Variants in ZBED6 observed in about 807,000 individuals in gnomAD.
The protein encoded by ZBED6 is zinc finger BED-type containing 6.
A neutral mutation model predicts 58.4 loss-of-function variants in ZBED6; 40 were observed. That is an observed-to-expected ratio of 0.68 (90% CI 0.53 to 0.89). ZBED6 has a LOEUF of 0.89. Ranked by LOEUF, ZBED6 falls within the 40% of genes least tolerant of loss-of-function variation. The pLI is 0.00. For missense variants in ZBED6, 1,057 were observed against 1,003.9 expected (o/e 1.05, Z -0.71); for synonymous variants, 439 against 350.6 (o/e 1.25, Z -2.82).
intron 11 of ZBED6, among the ~76,000 whole-genome samples, chr1:203,841,580 G>A (rs898634816): frequency 6.6e-6 from 1 of 152,188 alleles, no homozygotes; most frequent in African/African-American, 2.4e-5. Flanking sequence ...GTAACAATCT[G>A]ATCTCTCTTT....
chr1:203,817,753 T>G (rs1283551062), intron 2 of ZBED6, among the ~76,000 whole-genome samples: 1 of 152,024 alleles, frequency 6.6e-6, no homozygotes, highest in Non-Finnish European at 1.5e-5. Context: ...CTTGATTTTT[T>G]TTTTATTTTT....
At position 203,829,444 on chromosome 1, in the gene ZBED6, C is replaced by T. The variant is rs763352772; in HGVS notation, c.*2998-7C>T. 50 of 1,613,560 alleles carry T rather than the reference C, an allele frequency of 3.1e-5. No homozygotes were observed. In the East Asian group the frequency reaches 4.7e-4, roughly 15 times the overall value. ...TTTTTAATTTATGACTGATTTTGTGCGTTTAGCTGTGTTGCCCACTGTGCC... is the reference window on the plus strand; with the variant it reads ...TTTTTAATTTATGACTGATTTTGTGTGTTTAGCTGTGTTGCCCACTGTGCC... On this transcript the variant is annotated splice_polypyrimidine_tract_variant and splice_region_variant and intron_variant, in intron 4 of 16. Transcript: ENST00000550078.
chr1:203,812,578 ATTTTTTT>A (rs386369376), intron 1 of ZBED6, among the ~76,000 whole-genome samples: 3 of 109,316 alleles, frequency 2.7e-5, no homozygotes, highest in South Asian at 2.8e-4. Flanking sequence ...GCCATTCTAA[ATTTTTTT>A]TTTTTTTTTT....
At chr1:203,799,734 G>A (rs1400477758) in exon 1 of ZBED6, 1 of 762,958 alleles carries the variant, frequency 1.3e-6, no homozygotes, top group African/African-American at 1.7e-5. Context: ...TATTACTCAG[G>A]CCCTCAATCT....
exon 1 of ZBED6, chr1:203,798,846 C>T: frequency 6.5e-7 from 1 of 1,536,024 alleles, no homozygotes; most frequent in Non-Finnish European, 8.7e-7. Context: ...GATTGTGGCC[C>T]CTGATTATAG....
chr1:203,806,030 T>C, intron 1 of ZBED6: 1 of 541,992 alleles, frequency 1.8e-6, no homozygotes, highest in South Asian at 1.6e-5. Context: ...TGGGTGCGAT[T>C]GTCCTGCTGC....
intron 1 of ZBED6, among the ~76,000 whole-genome samples, chr1:203,812,310 G>A (rs1373499520): frequency 6.6e-6 from 1 of 152,042 alleles, no homozygotes; most frequent in East Asian, 1.9e-4. Flanking sequence ...AGTGTTTGTT[G>A]TTCCCCTCTA....
At chr1:203,808,793 C>T (rs534669523) in intron 1 of ZBED6, among the ~76,000 whole-genome samples, 123 of 152,110 alleles carry the variant, frequency 8.1e-4, no homozygotes, top group African/African-American at 2.9e-3. Context: ...TCGTCATCGC[C>T]ATCTTCTTCT....
intron 1 of ZBED6, chr1:203,805,595 A>ACAT: frequency 1.6e-6 from 1 of 631,850 alleles, no homozygotes; most frequent in Admixed American, 1.8e-5. Flanking sequence ...AATATGTTTT[A>ACAT]CATGATGTAC....
chr1:203,809,172 GT>G (rs33926996), intron 1 of ZBED6, among the ~76,000 whole-genome samples: 11,313 of 82,668 alleles, frequency 0.14, 282 homozygotes, highest in South Asian at 0.18. Context: ...TCTTCTCACT[GT>G]TTTTTTTTTT....
At chr1:203,813,209 T>C (rs1239880945) in intron 1 of ZBED6, among the ~76,000 whole-genome samples, 1 of 151,704 alleles carries the variant, frequency 6.6e-6, no homozygotes. Flanking sequence ...TTGTTTTTTG[T>C]TTTTTGTTTT....
At chr1:203,833,825 G>A in exon 9 of ZBED6, 1 of 1,610,458 alleles carries the variant, frequency 6.2e-7, no homozygotes, top group East Asian at 2.2e-5. Context: ...GTCTTACTGA[G>A]AGACTGGGGA....
At chr1:203,844,839 C>T (rs1687451561) in intron 11 of ZBED6, among the ~76,000 whole-genome samples, 1 of 152,016 alleles carries the variant, frequency 6.6e-6, no homozygotes, top group Non-Finnish European at 1.5e-5. Context: ...CTCCTCCCTC[C>T]CCTTTTTCTG....
intron 7 of ZBED6, among the ~76,000 whole-genome samples, chr1:203,830,485 G>C (rs1026497443): frequency 2.8e-4 from 43 of 152,176 alleles, no homozygotes; most frequent in African/African-American, 9.7e-4. Flanking sequence ...TATTAATTCT[G>C]TAAGTTCTTA....
At chr1:203,796,140 A>G (rs1668403168) in exon 1 of ZBED6, 2 of 230,944 alleles carry the variant, frequency 8.7e-6, no homozygotes, top group Non-Finnish European at 1.7e-5. Flanking sequence ...AGCAGCCCCG[A>G]AAACCGACTG....
intron 3 of ZBED6, among the ~76,000 whole-genome samples, chr1:203,820,690 G>A (rs1304363136): frequency 6.6e-6 from 1 of 152,048 alleles, no homozygotes; most frequent in Non-Finnish European, 1.5e-5. Context: ...ATGTTGGCCA[G>A]GCTGGTCTCG....
chr1:203,797,487 A>G, exon 1 of ZBED6: 1 of 1,457,658 alleles, frequency 6.9e-7, no homozygotes, highest in East Asian at 2.5e-5. Context: ...AAACCCACTA[A>G]CAGATTCTGG....
Position 203,829,898 on chromosome 1 carries a change from T to TA in ZBED6, c.*3318+4dup, listed in dbSNP as rs1261459678. ...AACCTGCAGTCAATATAAAGCAAGG[T>TA]AAGAAGAGGCTAGATTGGTGCCTCT... On this transcript the variant is annotated splice_region_variant and intron_variant, in intron 6 of 16. Transcript: ENST00000550078. The TA allele has an allele frequency of 1.9e-6, 3 of 1,612,974 alleles. No homozygotes were observed. The African/African-American group carries it at 4.0e-5, about 22-fold the overall frequency.
chr1:203,806,535 T>G (rs936226223), intron 1 of ZBED6, among the ~76,000 whole-genome samples: 1 of 152,210 alleles, frequency 6.6e-6, no homozygotes, highest in Non-Finnish European at 1.5e-5. Flanking sequence ...GCTCCTGGAC[T>G]CAAGTGATCA....
Sources: gnomAD v4.1 joint callset for allele counts (sites outside exome capture counted in the v4.1 genomes callset) on GRCh38, gnomAD v4.1.1 for gene constraint, MANE v1.5 for transcripts, NCBI Gene and HGNC (gene_info 2026-07-23, HGNC 2026-07-21) for gene names.